Variants in PRDM10 observed in about 807,000 individuals in gnomAD.
PRDM10 encodes the protein PR domain zinc finger protein 10.
PRDM10 carries 65 observed loss-of-function variants against 133.1 expected under a neutral mutation model. The observed-to-expected ratio is 0.49, with a 90% CI of 0.40 to 0.60. The LOEUF (loss-of-function observed/expected upper bound fraction) is 0.60. PRDM10 is among the 20% of genes least tolerant of loss of function. The probability of loss-of-function intolerance (pLI) is 0.00; values close to 1 mark genes in which losing one functional copy is unlikely to be tolerated. For synonymous variants in PRDM10, 582 were observed against 580.4 expected, an observed-to-expected ratio of 1.00 and a Z score of -0.04; for missense variants, 1,137 against 1,507.1, an observed-to-expected ratio of 0.75 and a Z score of 4.07.
chr11:129,920,271 T>A (rs904392634), intron 13 of PRDM10, among the ~76,000 whole-genome samples: 7 of 152,176 alleles, frequency 4.6e-5, no homozygotes, highest in African/African-American at 9.6e-5. Flanking sequence ...CAAATCTCCA[T>A]GAGGCCTTTC....
At chr11:129,912,973 T>C (rs1321537035) in intron 17 of PRDM10, among the ~76,000 whole-genome samples, 1 of 151,140 alleles carries the variant, frequency 6.6e-6, no homozygotes, top group East Asian at 1.9e-4. Context: ...GGCAGAAGAA[T>C]CACTTGAACC....
intron 1 of PRDM10, among the ~76,000 whole-genome samples, chr11:129,990,249 G>A (rs750492922): frequency 1.3e-4 from 20 of 152,132 alleles, no homozygotes; most frequent in African/African-American, 1.4e-4. Flanking sequence ...GGGAGGCTGA[G>A]GCAGGAGAAC....
intron 1 of PRDM10, among the ~76,000 whole-genome samples, chr11:129,980,876 T>C (rs1449709215): frequency 6.9e-6 from 1 of 145,372 alleles, no homozygotes; most frequent in African/African-American, 2.6e-5. Flanking sequence ...TTTTTTTTTT[T>C]TTTTTTTTTT....
chr11:129,981,304 A>T (rs1436315197), intron 1 of PRDM10, among the ~76,000 whole-genome samples: 1 of 152,144 alleles, frequency 6.6e-6, no homozygotes, highest in Admixed American at 6.6e-5. Context: ...TTGAAATAAA[A>T]AGTAAAAGTT....
At position 129,947,018 on chromosome 11, in the gene PRDM10, A is replaced by T; in HGVS notation, c.520+127T>A. ...GCCAGGTGGGATGAAGCAAGCAGAG[A>T]ATGTAGCACAGTTGGCTGCACACGG... On this transcript the variant is annotated intron_variant, in intron 5 of 20. Transcript: ENST00000360871. The surrounding 1 kb of genome is among the most constrained non-coding windows in gnomAD (Gnocchi z 4.6). 1 of 1,292,866 alleles carries T rather than the reference A, an allele frequency of 7.7e-7. No individual in the cohort carries two copies. The highest frequency in any genetic ancestry group is 2.1e-5 in the Admixed American group (1 of 46,862). 80.1% of individuals were successfully genotyped at this position (1,292,866 alleles called of 1,614,324 possible). A position where few individuals can be genotyped will look rare whatever the true frequency, so the allele number is the denominator to read the frequency against.
chr11:129,904,155 TA>T (rs11409202), intron 20 of PRDM10, among the ~76,000 whole-genome samples: 182 of 107,406 alleles, frequency 1.7e-3, no homozygotes, highest in Middle Eastern at 9.6e-3. Flanking sequence ...CTCAGTATAC[TA>T]AAAAAAAAAA....
intron 1 of PRDM10, among the ~76,000 whole-genome samples, chr11:129,964,333 T>C (rs996405460): frequency 5.9e-5 from 9 of 152,306 alleles, no homozygotes; most frequent in African/African-American, 2.2e-4. Flanking sequence ...TGTATCTCTT[T>C]TAATAGGTAG....
chr11:129,936,940 GAATA>G (rs1951053642), intron 8 of PRDM10, among the ~76,000 whole-genome samples: 1 of 152,176 alleles, frequency 6.6e-6, no homozygotes, highest in Non-Finnish European at 1.5e-5. Context: ...TACCAAATGA[GAATA>G]AATAAATTGT....
intron 1 of PRDM10, among the ~76,000 whole-genome samples, chr11:129,982,555 A>T (rs1263559794): frequency 3.3e-5 from 5 of 152,216 alleles, no homozygotes; most frequent in Non-Finnish European, 7.3e-5. Context: ...AACCACGGTT[A>T]CCTTTGAAAA....
intron 2 of PRDM10, among the ~76,000 whole-genome samples, chr11:129,960,145 CT>C (rs1951769217): frequency 6.6e-6 from 1 of 152,028 alleles, no homozygotes; most frequent in African/African-American, 2.4e-5. Context: ...AATCTGCATA[CT>C]TAAATGTTTC....
At chr11:129,938,992 C>T (rs552456723) in intron 7 of PRDM10, among the ~76,000 whole-genome samples, 50 of 152,302 alleles carry the variant, frequency 3.3e-4, no homozygotes, top group African/African-American at 1.2e-3. Context: ...TGCCCTCACC[C>T]CTGCCCTAAC....
intron 17 of PRDM10, among the ~76,000 whole-genome samples, chr11:129,913,067 A>G (rs577090083): frequency 1.3e-5 from 2 of 151,774 alleles, no homozygotes; most frequent in Non-Finnish European, 2.9e-5. Context: ...CTCAAAAAAA[A>G]AAAATAGCCA....
chr11:129,902,407 G>A lies in PRDM10; in HGVS notation c.3377C>T (p.Pro1126Leu). 1 of 1,614,148 alleles carries A rather than the reference G, an allele frequency of 6.2e-7. No homozygotes were observed. Among genetic ancestry groups the A allele is most frequent in the Non-Finnish European group, 8.5e-7 (1 of 1,180,018 alleles). ...GGTCTGCTGTTGGCTGTTGGTCTGG[G>A]GGTCCAGGGAGTCACTGTGTGCAGG... is the stretch of plus-strand genomic sequence containing the variant. ...EPPAHSDSLD[P>L]QTNSQQQTTQ... Residue 1126 changes from proline to leucine, a missense_variant, in exon 21 of 21, where the codon CCC becomes CTC. By Grantham distance (98) the Pro-to-Leu change is moderately conservative (BLOSUM62 -3). Coordinates refer to ENST00000360871, the MANE Select transcript of PRDM10 (RefSeq NM_199437.2).
Position 129,924,947 on chromosome 11 carries a change from T to C in PRDM10, c.1813A>G (p.Ile605Val), listed in dbSNP as rs1454105229. 7 of 1,614,178 alleles carry C rather than the reference T, an allele frequency of 4.3e-6. No individual in the cohort carries two copies. Among genetic ancestry groups the C allele is most frequent in the Admixed American group, 1.7e-5 (1 of 60,016 alleles). The change falls in exon 12 of 21, where the codon ATT becomes GTT. Residue 605 changes from isoleucine to valine, a missense_variant. Physicochemically the swap from Ile to Val is conservative, Grantham distance 29. Transcript: ENST00000360871. ...GTGAAGTAGCCATCATTGATATGAA[T>C]GGCCACATGATCTTTCAACAAATCA... ...RLDLLKDHVAIHINDGYFTCP... is the reference protein window; with the variant it reads ...RLDLLKDHVAVHINDGYFTCP...
At chr11:129,949,865 C>T (rs546879830) in intron 4 of PRDM10, among the ~76,000 whole-genome samples, 4 of 151,852 alleles carry the variant, frequency 2.6e-5, no homozygotes, top group African/African-American at 4.8e-5. Context: ...ACCCAGGAGG[C>T]GGAGGTTGCA....
At chr11:129,929,701 T>C (rs1383385819) in intron 11 of PRDM10, among the ~76,000 whole-genome samples, 1 of 151,050 alleles carries the variant, frequency 6.6e-6, no homozygotes, top group African/African-American at 2.4e-5. Flanking sequence ...CTGGACTGTG[T>C]TTGTGCATCC....
intron 1 of PRDM10, among the ~76,000 whole-genome samples, chr11:129,970,614 A>G (rs998831319): frequency 1.3e-5 from 2 of 149,860 alleles, no homozygotes; most frequent in Non-Finnish European, 3.0e-5. Flanking sequence ...GCACGATCTC[A>G]GCTCACTGCA....
In PRDM10 at chr11:129,944,954, G is replaced by T; in HGVS notation, c.579C>A (p.His193Gln). 6.2e-7 allele frequency: 1 copy of T among 1,613,790 alleles called. No individual in the cohort carries two copies. Among genetic ancestry groups the T allele is most frequent in the Middle Eastern group, 1.7e-4 (1 of 6,052 alleles). The change falls in exon 6 of 21, where the codon CAC (histidine) becomes CAA (glutamine). Residue 193 changes from histidine to glutamine, a missense_variant. Transcript: ENST00000360871. ...ASVCPKHGPL[H>Q]PIPNRPVLTR... Reference sequence around the variant, plus strand: ...TGAGCACCGGCCGGTTGGGGATCGGGTGCAAGGGGCCGTGCTTCGGACACA... The same window carrying T: ...TGAGCACCGGCCGGTTGGGGATCGGTTGCAAGGGGCCGTGCTTCGGACACA...
chr11:129,959,828 G>C (rs1260509911), intron 2 of PRDM10, among the ~76,000 whole-genome samples: 1 of 151,954 alleles, frequency 6.6e-6, no homozygotes, highest in Non-Finnish European at 1.5e-5. Context: ...ACCCAGGCTA[G>C]AGTGTAGTGG....
Sources: allele counts gnomAD v4.1 joint callset (sites outside exome capture counted in the v4.1 genomes callset), GRCh38; gene constraint gnomAD v4.1.1; non-coding constraint Gnocchi (gnomAD v3.1); transcripts MANE v1.5; gene names NCBI Gene and HGNC (gene_info 2026-07-23, HGNC 2026-07-21).